The following CLECL1 variants were observed in gnomAD, a reference collection of about 807,000 sequenced individuals.
CLECL1 encodes the protein C-type lectin like 1.
the CLECL1 span, among the ~76,000 whole-genome samples, chr12:9,702,672 G>C: frequency 6.6e-6 from 1 of 152,144 alleles, no homozygotes; most frequent in Non-Finnish European, 1.5e-5. Flanking sequence ...GAGGTGGAAA[G>C]TTATATGCTG....
intron 2 of CLECL1, among the ~76,000 whole-genome samples, chr12:9,729,110 G>A (rs1451057743): frequency 6.6e-6 from 1 of 152,000 alleles, no homozygotes; most frequent in Non-Finnish European, 1.5e-5. Context: ...ACTATGTTTG[G>A]CTATGTCCAA....
downstream of CLECL1, among the ~76,000 whole-genome samples, chr12:9,720,022 T>C (rs1866289913): frequency 1.3e-5 from 2 of 152,086 alleles, no homozygotes; most frequent in African/African-American, 4.8e-5. Flanking sequence ...AGGCAGTGAG[T>C]GGAAGGGGTG....
downstream of CLECL1, among the ~76,000 whole-genome samples, chr12:9,714,617 T>C (rs1430267826): frequency 6.6e-6 from 1 of 152,222 alleles, no homozygotes; most frequent in African/African-American, 2.4e-5. Flanking sequence ...ACAGGATGAG[T>C]GAATCCTTTT....
chr12:9,728,431 T>C (rs774283533), intron 2 of CLECL1, among the ~76,000 whole-genome samples: 21 of 151,936 alleles, frequency 1.4e-4, no homozygotes, highest in Admixed American at 5.9e-4. Context: ...CTTCAACATA[T>C]ATACATCATA....
chr12:9,717,387 AGTGCTAAC>A (rs973020473), intron 2 of CLECL1, among the ~76,000 whole-genome samples: 6 of 152,226 alleles, frequency 3.9e-5, no homozygotes, highest in African/African-American at 1.4e-4. Context: ...GTTTTCCCCC[AGTGCTAAC>A]GTTTTGGAAT....
chr12:9,714,109 C>G (rs1448593164), downstream of CLECL1, among the ~76,000 whole-genome samples: 1 of 152,186 alleles, frequency 6.6e-6, no homozygotes, highest in African/African-American at 2.4e-5. Flanking sequence ...CAAAGCTCAA[C>G]TGGTTTTATT....
the CLECL1 span, among the ~76,000 whole-genome samples, chr12:9,707,597 T>A: frequency 1.3e-5 from 2 of 152,160 alleles, no homozygotes; most frequent in Non-Finnish European, 2.9e-5. Flanking sequence ...CCCTAGAGAT[T>A]TGAGCAGTGG....
the CLECL1 span, among the ~76,000 whole-genome samples, chr12:9,706,218 C>G: frequency 1.3e-5 from 2 of 152,216 alleles, no homozygotes; most frequent in Non-Finnish European, 2.9e-5. Context: ...TAACCTGAGA[C>G]TTTGCTGAAG....
downstream of CLECL1, among the ~76,000 whole-genome samples, chr12:9,715,169 T>C (rs756205879): frequency 6.6e-6 from 1 of 152,334 alleles, no homozygotes; most frequent in East Asian, 1.9e-4. Context: ...AAGACCAGTA[T>C]TGACACATCT....
chr12:9,716,740 G>A, exon 3 of CLECL1: 1 of 1,270,096 alleles, frequency 7.9e-7, no homozygotes, highest in Non-Finnish European at 1.0e-6. Flanking sequence ...TGAAGTCTAG[G>A]AACTTCTATA....
At chr12:9,729,580 T>G (rs1010338201) in intron 2 of CLECL1, among the ~76,000 whole-genome samples, 15 of 77,054 alleles carry the variant, frequency 1.9e-4, no homozygotes, top group Non-Finnish European at 4.1e-4. Flanking sequence ...ATAATATTAC[T>G]AATTACTTAC....
At position 9,723,925 on chromosome 12, in the gene CLECL1, C is replaced by T. The variant is rs184091901; in HGVS notation, n.263-1112G>A. Among the ~76,000 whole-genome samples, 760 of 152,166 alleles carry T rather than the reference C, an allele frequency of 5.0e-3. 12 individuals carry two copies. Among genetic ancestry groups the T allele is most frequent in the African/African-American group, 0.017 (712 of 41,524 alleles). ...AAAATTGGCCAGGTGCAATGGCTCA[C>T]GTCTGTGATCCCAACACTATGGGAG... On this transcript the variant is annotated intron_variant and non_coding_transcript_variant, in intron 3 of 3. Transcript: ENST00000621400.
the CLECL1 span, among the ~76,000 whole-genome samples, chr12:9,705,898 A>G: frequency 1.3e-5 from 2 of 152,052 alleles, no homozygotes; most frequent in Non-Finnish European, 2.9e-5. Flanking sequence ...TTTATTCCAT[A>G]TAAATTTTAT....
intron 2 of CLECL1, among the ~76,000 whole-genome samples, chr12:9,728,102 A>G (rs1472421569): frequency 2.6e-5 from 4 of 151,822 alleles, no homozygotes; most frequent in South Asian, 2.1e-4. Context: ...GATTCTGCAT[A>G]TAAATGCTGC....
chr12:9,720,933 G>A (rs778151719), downstream of CLECL1, among the ~76,000 whole-genome samples: 5 of 152,104 alleles, frequency 3.3e-5, no homozygotes, highest in Admixed American at 1.3e-4. Context: ...CCTCTCTCTC[G>A]CATGTGCCTG....
exon 3 of CLECL1, among the ~76,000 whole-genome samples, chr12:9,727,620 C>T (rs189472415): frequency 3.6e-4 from 55 of 151,850 alleles, no homozygotes; most frequent in African/African-American, 1.2e-3. Flanking sequence ...TCTCTTTTGG[C>T]TCATTATACA....
chr12:9,716,277 T>G (rs888846626), exon 3 of CLECL1: 1 of 152,410 alleles, frequency 6.6e-6, no homozygotes, highest in Non-Finnish European at 1.5e-5. Flanking sequence ...CCCAGGATCC[T>G]GTTCCTATAT....
At chr12:9,706,469 T>C in the CLECL1 span, among the ~76,000 whole-genome samples, 1 of 152,234 alleles carries the variant, frequency 6.6e-6, no homozygotes, top group Non-Finnish European at 1.5e-5. Context: ...CTTTTGCCCA[T>C]TTAATATGAT....
chr12:9,703,618 A>C, the CLECL1 span, among the ~76,000 whole-genome samples: 7 of 151,980 alleles, frequency 4.6e-5, no homozygotes, highest in African/African-American at 1.7e-4. Context: ...TGGTCTCAAA[A>C]TTTTGGGGTC....
Sources: gnomAD v4.1 joint callset for allele counts (sites outside exome capture counted in the v4.1 genomes callset) on GRCh38, gnomAD v4.1.1 for gene constraint, MANE v1.5 for transcripts, NCBI Gene and HGNC (gene_info 2026-07-23, HGNC 2026-07-21) for gene names.